The following PZP variants were observed in gnomAD, a reference collection of about 807,000 sequenced individuals.
PZP encodes the protein pregnancy zone protein.
In PZP, 150 loss-of-function variants were observed where a neutral mutation model predicts 179.8. The ratio of observed to expected loss-of-function variants is 0.83; its 90% CI spans 0.73 to 0.96. The LOEUF (loss-of-function observed/expected upper bound fraction) is 0.96. PZP is among the 40% of genes least tolerant of loss of function. The pLI is 0.00. For synonymous variants in PZP, 624 were observed against 652.3 expected (o/e 0.96, Z 0.66); for missense variants, 1,689 against 1,764.0 (o/e 0.96, Z 0.76).
At chr12:9,191,106 T>C (rs1943433559) in intron 13 of PZP, among the ~76,000 whole-genome samples, 1 of 152,186 alleles carries the variant, frequency 6.6e-6, no homozygotes, top group Non-Finnish European at 1.5e-5. Context: ...CTTCACAAAG[T>C]AAATGATTAA....
rs1383782438 is a variant in PZP, at chr12:9,201,079, C to T, written c.502-19G>A. ...TTGGGTTCTGAAGGGAAACAAGAAA[C>T]ATGGGCGGTAATCATTTAGTCACAA... On this transcript the variant is annotated intron_variant, in intron 5 of 35. Coordinates refer to ENST00000261336, the MANE Select transcript of PZP (RefSeq NM_002864.3). 1.2e-6 allele frequency: 2 copies of T among 1,612,898 alleles called. No homozygotes were observed. The highest frequency in any genetic ancestry group is 1.7e-6 in the Non-Finnish European group (2 of 1,179,594).
chr12:9,203,882 G>T lies in PZP; in HGVS notation c.153C>A (p.Ser51Arg). The stretch of plus-strand genomic sequence containing the variant: ...TTACAGTCACTGTCTCATTCAGGTG[G>T]CTCAGAAGGACACAGCCCTTCTTAG... ...EAPKKGCVLL[S>R]HLNETVTVSA... Residue 51 changes from serine to arginine, a missense_variant, in exon 2 of 36, where the codon AGC becomes AGA. Ser to Arg is a moderately radical substitution (Grantham distance 110). Around this residue, in one of 3 missense-constraint regions of PZP, gnomAD observed 742 missense variants for 730.5 expected, o/e 1.02. Transcript: ENST00000261336. The T allele has an allele frequency of 6.2e-7, 1 of 1,614,058 alleles. No homozygotes were observed. Among genetic ancestry groups the T allele is most frequent in the Non-Finnish European group, 8.5e-7 (1 of 1,179,956 alleles).
the PZP span, among the ~76,000 whole-genome samples, chr12:9,140,411 T>C: frequency 1.3e-5 from 2 of 152,154 alleles, no homozygotes; most frequent in Non-Finnish European, 2.9e-5. Context: ...TTGGTTGAGA[T>C]AGAAGCAACA....
At position 9,181,968 on chromosome 12, in the gene PZP, C is replaced by T. The variant is rs755755513; in HGVS notation, c.1689+7G>A. On this transcript the variant is annotated splice_region_variant and intron_variant, in intron 14 of 35. Coordinates refer to ENST00000261336, the MANE Select transcript of PZP (RefSeq NM_002864.3). The stretch of plus-strand genomic sequence containing the variant: ...GTGTTCTTTTAATTTTATGTTAAAT[C>T]GCTCACCTTGTTGGCTAGACAGTTT... 1.9e-5 allele frequency: 30 copies of T among 1,611,592 alleles called. No individual in the cohort carries two copies. Among genetic ancestry groups the T allele is most frequent in the East Asian group, 4.5e-5 (2 of 44,840 alleles).
chr12:9,203,907 G>A lies in PZP; in HGVS notation c.128C>T (p.Pro43Leu), dbSNP rs1204122338. 1 of 1,613,976 alleles carries A rather than the reference G, an allele frequency of 6.2e-7. No homozygotes were observed. The highest frequency in any genetic ancestry group is 1.3e-5 in the African/African-American group (1 of 74,916). ...GCTCAGAAGGACACAGCCCTTCTTA[G>A]GGGCCTCAGTGTGGAGCAGGGAGGG... ...LVPSLLHTEA[P>L]KKGCVLLSHL... The change falls in exon 2 of 36, where the codon CCT (proline) becomes CTT (leucine). Residue 43 changes from proline (P) to leucine (L), a missense_variant. By Grantham distance (98) the Pro-to-Leu change is moderately conservative. This residue lies in a region of PZP where 742 missense variants were observed against 730.5 expected (regional missense o/e 1.02). Transcript: ENST00000261336.
rs756132555 is a variant in PZP, at chr12:9,154,733, G to A, written c.3657C>T (p.Leu1219=). 4.0e-5 allele frequency: 65 copies of A among 1,614,020 alleles called. No individual in the cohort carries two copies. Among genetic ancestry groups the A allele is most frequent in the Non-Finnish European group, 5.3e-5 (62 of 1,180,054 alleles). Reference sequence around the variant, plus strand: ...CTGGCTGGGCCGTGAGATAAGCGAGGAGCACATAGGATGTCATCTCCACCT... The same window carrying A: ...CTGGCTGGGCCGTGAGATAAGCGAGAAGCACATAGGATGTCATCTCCACCT... ...SAEVEMTSYV[L]LAYLTAQPAP... is the part of the protein sequence containing the mutation. The change falls in exon 29 of 36, where the codon CTC becomes CTT. Residue 1219 remains leucine (L), a synonymous_variant. Transcript: ENST00000261336.
At chr12:9,161,760 TGTGGCG>T (rs1941218262) in intron 22 of PZP, among the ~76,000 whole-genome samples, 2 of 152,212 alleles carry the variant, frequency 1.3e-5, no homozygotes, top group Non-Finnish European at 2.9e-5. Context: ...GAACTAATAA[TGTGGCG>T]GTTCTGTATA....
chr12:9,194,342 C>T, intron 10 of PZP, 104 bp from the exon 11 acceptor site: 3 of 1,099,632 alleles, frequency 2.7e-6, no homozygotes, highest in South Asian at 3.7e-5. Flanking sequence ...AACAACCTCC[C>T]CCTCAAAAAA....
At position 9,148,877 on chromosome 12, in the gene PZP, T is replaced by C. The variant is rs967035210; in HGVS notation, c.*95A>G. 3 of 1,100,890 alleles carry C rather than the reference T, an allele frequency of 2.7e-6. No individual in the cohort carries two copies. Among genetic ancestry groups the C allele is most frequent in the Admixed American group, 4.2e-5 (2 of 47,964 alleles). The allele number at this position is 1,100,890 out of a possible 1,614,324, so 68.2% of individuals were successfully genotyped here. A position where few individuals can be genotyped will look rare whatever the true frequency, so the allele number is the denominator to read the frequency against. On this transcript the variant is annotated 3_prime_UTR_variant, in exon 36 of 36. Transcript: ENST00000261336. ...AAGTACATATTTATTCAGCAAATAT[T>C]TTTAGTGTCTATTTTATAGAGACAA...
At chr12:9,182,401 G>A (rs1050896156) in intron 13 of PZP, among the ~76,000 whole-genome samples, 17 of 131,926 alleles carry the variant, frequency 1.3e-4, no homozygotes, top group African/African-American at 4.9e-4. Context: ...TTAAATATCA[G>A]TAGCTCCAAA....
chr12:9,198,768 A>C (rs905782061), intron 7 of PZP, among the ~76,000 whole-genome samples: 2 of 152,214 alleles, frequency 1.3e-5, no homozygotes, highest in African/African-American at 4.8e-5. Context: ...AAAAGATAGA[A>C]TCAAAGCAGC....
intron 15 of PZP, among the ~76,000 whole-genome samples, chr12:9,173,308 G>T (rs1565641740): frequency 1.3e-5 from 2 of 152,164 alleles, no homozygotes; most frequent in Non-Finnish European, 2.9e-5. Context: ...GCAATCTCTG[G>T]GATGCAGCTA....
the PZP span, among the ~76,000 whole-genome samples, chr12:9,140,575 ATTTGTTACCTAGGCC>A: frequency 6.6e-6 from 1 of 152,234 alleles, no homozygotes; most frequent in African/African-American, 2.4e-5. Flanking sequence ...AAGAATAATT[ATTTGTTACCTAGGCC>A]TTTTAAACTG....
Position 9,169,555 on chromosome 12 carries a change from A to T in PZP, c.1876T>A (p.Phe626Ile), listed in dbSNP as rs1323896824. The T allele has an allele frequency of 6.2e-7, 1 of 1,612,896 alleles. No individual in the cohort carries two copies. Among genetic ancestry groups the T allele is most frequent in the Admixed American group, 1.7e-5 (1 of 59,816 alleles). Residue 626 changes from phenylalanine (F) to isoleucine (I), a missense_variant, in exon 16 of 36, where the codon TTT becomes ATT. Phe to Ile is a conservative substitution (Grantham distance 21, BLOSUM62 0). Coordinates refer to ENST00000261336, the MANE Select transcript of PZP (RefSeq NM_002864.3). Reference sequence around the variant, plus strand: ...TCCTGCTGGTCCACATTGTCAGGAAAATTGGTGAGATCCTTCACAGTTAGC... The same window carrying T: ...TCCTGCTGGTCCACATTGTCAGGAATATTGGTGAGATCCTTCACAGTTAGC... ...NLLTVKDLTN[F>I]PDNVDQQEEE... is the part of the protein sequence containing the mutation.
chr12:9,169,531 C>T lies in PZP; in HGVS notation c.1900G>A (p.Glu634Lys), dbSNP rs757604780. 8.7e-6 allele frequency: 14 copies of T among 1,613,094 alleles called. No homozygotes were observed. Among genetic ancestry groups the T allele is most frequent in the South Asian group, 5.5e-5 (5 of 90,944 alleles). Reference protein sequence around the residue: ...TNFPDNVDQQEEEQGHCPRPF... With the variant: ...TNFPDNVDQQKEEQGHCPRPF... ...CGGGGACAGTGTCCTTGTTCTTCCT[C>T]CTGCTGGTCCACATTGTCAGGAAAA... The change falls in exon 16 of 36, where the codon GAG (glutamate) becomes AAG (lysine). Residue 634 changes from glutamate to lysine, a missense_variant. By Grantham distance (56) the Glu-to-Lys change is moderately conservative. This residue lies in a region of PZP where 201 missense variants were observed against 284.2 expected (regional missense o/e 0.71). Transcript: ENST00000261336.
intron 15 of PZP, among the ~76,000 whole-genome samples, chr12:9,174,126 A>G (rs754889192): frequency 3.3e-5 from 5 of 152,218 alleles, no homozygotes; most frequent in Non-Finnish European, 7.3e-5. Flanking sequence ...AAGCTTATCC[A>G]CCACAACCAA....
chr12:9,194,353 A>C (rs1007743823), intron 10 of PZP, 115 bp from the exon 11 acceptor site: 3 of 840,462 alleles, frequency 3.6e-6, no homozygotes, highest in African/African-American at 3.4e-5. Flanking sequence ...CCTCAAAAAA[A>C]CCCCACCAAA....
intron 15 of PZP, 86 bp from the exon 16 acceptor site, chr12:9,169,677 A>G: frequency 1.6e-6 from 2 of 1,289,110 alleles, no homozygotes; most frequent in Non-Finnish European, 2.1e-6. Flanking sequence ...AATAATTATC[A>G]CCAATCTTTT....
Position 9,194,071 on chromosome 12 carries a change from A to G in PZP, c.1254+6T>C, listed in dbSNP as rs747766526. 1.2e-6 allele frequency: 2 copies of G among 1,611,064 alleles called. No homozygotes were observed. Among genetic ancestry groups the G allele is most frequent in the Admixed American group, 3.3e-5 (2 of 59,972 alleles). On this transcript the variant is annotated splice_donor_region_variant and intron_variant, in intron 11 of 35. Transcript: ENST00000261336. ...TGTCCTCAGAGATTTGTCTTTCTAT[A>G]CTTACCCGGACAAAAAGTTTATTAA... is the stretch of plus-strand genomic sequence containing the variant.
Sources: gnomAD v4.1 joint callset for allele counts (sites outside exome capture counted in the v4.1 genomes callset) on GRCh38, gnomAD v4.1.1 for gene constraint, gnomAD v4.1.1 regional missense constraint, MANE v1.5 for transcripts, NCBI Gene and HGNC (gene_info 2026-07-23, HGNC 2026-07-21) for gene names.